Variants in PARD3B observed in about 807,000 individuals in gnomAD.
The protein encoded by PARD3B is par-3 family cell polarity regulator beta.
PARD3B carries 103 observed loss-of-function variants against 130.2 expected under a neutral mutation model. The observed-to-expected ratio is 0.79, with a 90% confidence interval of 0.67 to 0.93. The LOEUF (loss-of-function observed/expected upper bound fraction) is 0.93, where lower values mean the gene tolerates loss of function less well. Ranked by LOEUF, PARD3B falls within the 40% of genes least tolerant of loss-of-function variation. The pLI, the probability that PARD3B is intolerant of heterozygous loss-of-function variation, is 0.00. For missense variants in PARD3B, 1,609 were observed against 1,499.2 expected (o/e 1.07, Z -1.21); for synonymous variants, 583 against 553.2 (o/e 1.05, Z -0.76).
At chr2:204,751,339 A>T (rs944128733) in intron 2 of PARD3B, among the ~76,000 whole-genome samples, 1 of 152,194 alleles carries the variant, frequency 6.6e-6, no homozygotes, top group African/African-American at 2.4e-5. Context: ...ACACAAAAAA[A>T]TGCTTTCCTT....
At chr2:205,220,796 T>C (rs1325924436) in intron 15 of PARD3B, among the ~76,000 whole-genome samples, 1 of 152,148 alleles carries the variant, frequency 6.6e-6, no homozygotes, top group Admixed American at 6.5e-5. Context: ...TGTGGCTATC[T>C]GTGAGAATAG....
At chr2:204,680,180 A>T (rs546937321) in intron 1 of PARD3B, among the ~76,000 whole-genome samples, 1 of 152,140 alleles carries the variant, frequency 6.6e-6, no homozygotes, top group South Asian at 2.1e-4. Context: ...TTTACCTGTG[A>T]TGTCATCTGA....
chr2:205,619,158 T>C lies in PARD3B; in HGVS notation c.*3345T>C, dbSNP rs2055524405. On this transcript the variant is annotated 3_prime_UTR_variant, in exon 23 of 23. Coordinates refer to ENST00000406610, the MANE Select transcript of PARD3B (RefSeq NM_001302769.2). ...TTGTCCCCTCCAAAGATTCATAAAA[T>C]TCTTGAGCTAAAGTGATCTTCTGAA... 6.6e-6 allele frequency: 1 copy of C among 152,142 alleles called. No homozygotes were observed. Among genetic ancestry groups the C allele is most frequent in the Non-Finnish European group, 1.5e-5 (1 of 68,016 alleles). The allele number at this position is 152,142 out of a possible 1,614,324, so 9.4% of individuals were successfully genotyped here.
At chr2:205,085,482 A>G (rs914909620) in intron 4 of PARD3B, among the ~76,000 whole-genome samples, 1 of 152,018 alleles carries the variant, frequency 6.6e-6, no homozygotes, top group Non-Finnish European at 1.5e-5. Context: ...AATACTTTTA[A>G]TTAAAAATTG....
At chr2:204,568,847 C>T (rs1449596772) in intron 1 of PARD3B, among the ~76,000 whole-genome samples, 13 of 151,370 alleles carry the variant, frequency 8.6e-5, no homozygotes, top group Admixed American at 7.2e-4. Flanking sequence ...CCCGACTACT[C>T]GGGGGGCTGA....
rs1160852053 is a variant in PARD3B, at chr2:204,675,592, G to A, written c.121-10589G>A. On this transcript the variant is annotated intron_variant, in intron 1 of 22. Transcript: ENST00000406610. This position sits in a 1 kb window ranked among gnomAD's most constrained non-coding sequence, Gnocchi z 4.4. The stretch of plus-strand genomic sequence containing the variant: ...TTAAAAAAAAGCTCTATCTAGATCT[G>A]GACCTTTTCTTCTCAAATAAATTTA... Among the ~76,000 whole-genome samples the A allele has an allele frequency of 6.6e-6, 1 of 151,910 alleles. No individual in the cohort carries two copies. Among genetic ancestry groups the A allele is most frequent in the African/African-American group, 2.4e-5 (1 of 41,394 alleles).
chr2:205,388,800 T>G (rs1012904298), intron 18 of PARD3B, among the ~76,000 whole-genome samples: 4 of 152,188 alleles, frequency 2.6e-5, no homozygotes, highest in Non-Finnish European at 5.9e-5. Flanking sequence ...CCCATCACAC[T>G]AGGTCAGCTC....
intron 1 of PARD3B, among the ~76,000 whole-genome samples, chr2:204,577,923 T>A (rs2032353613): frequency 6.6e-6 from 1 of 152,152 alleles, no homozygotes; most frequent in South Asian, 2.1e-4. Flanking sequence ...TTTAGATCAG[T>A]GGCCCTCGTT....
chr2:204,579,860 TC>T (rs1399304323), intron 1 of PARD3B, among the ~76,000 whole-genome samples: 1 of 152,214 alleles, frequency 6.6e-6, no homozygotes, highest in East Asian at 1.9e-4. Flanking sequence ...TACCTTCTTT[TC>T]CCCCATCCTA....
intron 4 of PARD3B, among the ~76,000 whole-genome samples, chr2:205,077,231 G>A (rs1290128230): frequency 6.6e-6 from 1 of 152,146 alleles, no homozygotes. Context: ...ACTTGAAAAG[G>A]CCTGAAAGAT....
At chr2:205,598,249 C>A (rs2054641508) in intron 22 of PARD3B, among the ~76,000 whole-genome samples, 1 of 151,682 alleles carries the variant, frequency 6.6e-6, no homozygotes, top group African/African-American at 2.4e-5. Context: ...CCTATAGGTT[C>A]AAAGTAAAGG....
At chr2:204,737,108 A>T (rs894396328) in intron 2 of PARD3B, among the ~76,000 whole-genome samples, 6 of 152,098 alleles carry the variant, frequency 3.9e-5, no homozygotes, top group African/African-American at 1.4e-4. Flanking sequence ...TTACAGCTGG[A>T]ATTACAGCAC....
At chr2:205,099,407 T>A (rs1362430041) in intron 4 of PARD3B, among the ~76,000 whole-genome samples, 1 of 152,190 alleles carries the variant, frequency 6.6e-6, no homozygotes, top group South Asian at 2.1e-4. Context: ...TTTCTACCTT[T>A]CCTTCCAAAT....
intron 2 of PARD3B, among the ~76,000 whole-genome samples, chr2:204,780,255 T>C (rs1376641041): frequency 1.3e-5 from 2 of 152,162 alleles, no homozygotes; most frequent in Admixed American, 1.3e-4. Flanking sequence ...ATGTGGTTAA[T>C]TATCAGAGAG....
rs976458645 is a variant in PARD3B, at chr2:205,011,437, C to T, written c.395-36144C>T. On this transcript the variant is annotated intron_variant, in intron 3 of 22. Transcript: ENST00000406610. The surrounding 1 kb of genome is among the most constrained non-coding windows in gnomAD (Gnocchi z 4.1). ...CTGCATCCCCTCAGAACAAGTGACT[C>T]GAGAGAGAAATTAAGAGGGGCATGC... 3.3e-5 allele frequency among the ~76,000 whole-genome samples: 5 copies of T among 152,066 alleles called. No homozygotes were observed. The highest frequency in any genetic ancestry group is 4.1e-4 in the South Asian group (2 of 4,822).
At chr2:205,112,964 T>C (rs1223645627) in intron 5 of PARD3B, among the ~76,000 whole-genome samples, 1 of 152,216 alleles carries the variant, frequency 6.6e-6, no homozygotes, top group Non-Finnish European at 1.5e-5. Flanking sequence ...TTATATTGCT[T>C]TGAACATGCC....
rs1357890831 is a variant in PARD3B, at chr2:205,011,259, A to G, written c.395-36322A>G. Among the ~76,000 whole-genome samples, 1 of 152,148 alleles carries G rather than the reference A, an allele frequency of 6.6e-6. No individual in the cohort carries two copies. Among genetic ancestry groups the G allele is most frequent in the Non-Finnish European group, 1.5e-5 (1 of 68,018 alleles). ...AATGCAGGCATGGCTTAGCTTGGTG[A>G]TTCTGGCTCGGGGTTTCCCAAGAGT... is the stretch of plus-strand genomic sequence containing the variant. On this transcript the variant is annotated intron_variant, in intron 3 of 22. Coordinates refer to ENST00000406610, the MANE Select transcript of PARD3B (RefSeq NM_001302769.2). This position sits in a 1 kb window ranked among gnomAD's most constrained non-coding sequence, Gnocchi z 4.1.
chr2:205,440,287 T>C lies in PARD3B; in HGVS notation c.2742-83T>C. 1 of 1,361,740 alleles carries C rather than the reference T, an allele frequency of 7.3e-7. No individual in the cohort carries two copies. Among genetic ancestry groups the C allele is most frequent in the Non-Finnish European group, 1.0e-6 (1 of 981,826 alleles). The allele number at this position is 1,361,740 out of a possible 1,614,324, so 84.4% of individuals were successfully genotyped here. The stretch of plus-strand genomic sequence containing the variant: ...ATGACAGCTAAGAGACGAGGAAGAG[T>C]TAACATAAATTCAAGAGAGTATTTC... On this transcript the variant is annotated intron_variant, in intron 19 of 22. Transcript: ENST00000406610. This position sits in a 1 kb window ranked among gnomAD's most constrained non-coding sequence, Gnocchi z 4.2.
chr2:204,779,278 G>A (rs2041753889), intron 2 of PARD3B, among the ~76,000 whole-genome samples: 1 of 152,038 alleles, frequency 6.6e-6, no homozygotes, highest in East Asian at 1.9e-4. Context: ...CAGGGATTAT[G>A]TTCTATATTT....
Sources: allele counts gnomAD v4.1 joint callset (sites outside exome capture counted in the v4.1 genomes callset), GRCh38; gene constraint gnomAD v4.1.1; non-coding constraint Gnocchi (gnomAD v3.1); transcripts MANE v1.5; gene names NCBI Gene and HGNC (gene_info 2026-07-23, HGNC 2026-07-21).